The following RAP1GAP variants were observed in gnomAD, a reference collection of about 807,000 sequenced individuals.
RAP1GAP encodes the protein RAP1 GTPase activating protein, also known as rap1 GTPase-activating protein 1.
RAP1GAP carries 35 observed loss-of-function variants against 87.2 expected under a neutral mutation model. That is an observed-to-expected ratio of 0.40 (90% CI 0.31 to 0.53). The LOEUF (loss-of-function observed/expected upper bound fraction) is 0.53, where lower values mean the gene tolerates loss of function less well. Among genes scored for constraint, RAP1GAP ranks in the 20% least tolerant of loss-of-function variants. The pLI is 0.48. For missense variants in RAP1GAP, 734 were observed against 898.9 expected (o/e 0.82, Z 2.35); for synonymous variants, 375 against 363.9 (o/e 1.03, Z -0.35).
Position 21,605,665 on chromosome 1 carries a change from C to T in RAP1GAP, c.1428+401G>A, listed in dbSNP as rs189350583. Among the ~76,000 whole-genome samples the T allele has an allele frequency of 5.9e-5, 9 of 152,296 alleles. No individual in the cohort carries two copies. The East Asian group carries it at 1.3e-3, about 23-fold the overall frequency. On this transcript the variant is annotated intron_variant, in intron 18 of 24. Coordinates refer to ENST00000374765, the MANE Select transcript of RAP1GAP (RefSeq NM_002885.4). ...CAGTGGGTGCCCACAGCCCGACACA[C>T]AGTAGGTGCTCCCAGAAACCCAAGG...
intron 1 of RAP1GAP, chr1:21,651,622 C>T (rs749274915): frequency 2.6e-6 from 2 of 758,804 alleles, no homozygotes; most frequent in South Asian, 2.7e-5. Flanking sequence ...CACAGCACGA[C>T]AGCCATGCGC....
Position 21,603,983 on chromosome 1 carries a change from G to A in RAP1GAP, c.1429-1070C>T, listed in dbSNP as rs998182598. 2.5e-6 allele frequency: 3 copies of A among 1,210,912 alleles called. No individual in the cohort carries two copies. The African/African-American group carries it at 4.6e-5, about 19-fold the overall frequency. The allele number at this position is 1,210,912 out of a possible 1,614,324, so 75.0% of individuals were successfully genotyped here. ...AGAGTCAGAGAGCAAGAGAGATGGT[G>A]GGAGGGAGACACAGAGAGGAGGAGA... On this transcript the variant is annotated intron_variant, in intron 18 of 24. Transcript: ENST00000374765. This position sits in a 1 kb window ranked among gnomAD's most constrained non-coding sequence, Gnocchi z 6.0.
chr1:21,601,814 G>A lies in RAP1GAP; in HGVS notation c.1539-17C>T, dbSNP rs765073114. The A allele has an allele frequency of 7.1e-6, 11 of 1,551,998 alleles. No homozygotes were observed. Among genetic ancestry groups the A allele is most frequent in the Non-Finnish European group, 9.7e-6 (11 of 1,139,890 alleles). ...GGGCTCTCCCTGCGGGGCACACGGGGGCAGCGGGGGGATTCAGCACCAGGC... is the reference window on the plus strand; with the variant it reads ...GGGCTCTCCCTGCGGGGCACACGGGAGCAGCGGGGGGATTCAGCACCAGGC... On this transcript the variant is annotated splice_polypyrimidine_tract_variant and intron_variant, in intron 19 of 24. Transcript: ENST00000374765.
Position 21,613,491 on chromosome 1 carries a change from G to A in RAP1GAP, c.474+137C>T. The stretch of plus-strand genomic sequence containing the variant: ...AGCCCAAGACACGATGGGAACAAGT[G>A]AGAGACAGCCTCAGGATAGGGCGGC... On this transcript the variant is annotated intron_variant, in intron 9 of 24. Coordinates refer to ENST00000374765, the MANE Select transcript of RAP1GAP (RefSeq NM_002885.4). This position sits in a 1 kb window ranked among gnomAD's most constrained non-coding sequence, Gnocchi z 4.7. The A allele has an allele frequency of 1.2e-6, 1 of 865,418 alleles. No individual in the cohort carries two copies. Among genetic ancestry groups the A allele is most frequent in the South Asian group, 1.5e-5 (1 of 68,548 alleles). 53.6% of individuals were successfully genotyped at this position (865,418 alleles called of 1,614,324 possible).
chr1:21,631,556 C>T (rs748572088), intron 2 of RAP1GAP, among the ~76,000 whole-genome samples: 5 of 152,100 alleles, frequency 3.3e-5, no homozygotes, highest in South Asian at 2.1e-4. Context: ...AGTAGTGCCA[C>T]GCGCCTGTAA....
chr1:21,607,932 C>A (rs561456005), intron 17 of RAP1GAP, among the ~76,000 whole-genome samples: 1 of 151,424 alleles, frequency 6.6e-6, no homozygotes, highest in African/African-American at 2.4e-5. Context: ...AGACTCTACC[C>A]GCAGGCGAGC....
intron 2 of RAP1GAP, among the ~76,000 whole-genome samples, chr1:21,638,634 A>C (rs923028846): frequency 2.6e-5 from 4 of 152,210 alleles, no homozygotes; most frequent in Admixed American, 1.3e-4. Flanking sequence ...CTTATCTCTG[A>C]GAAGCAGGAC....
chr1:21,601,813 G>C lies in RAP1GAP; in HGVS notation c.1539-16C>G. ...AGGGCTCTCCCTGCGGGGCACACGG[G>C]GGCAGCGGGGGGATTCAGCACCAGG... On this transcript the variant is annotated splice_polypyrimidine_tract_variant and intron_variant, in intron 19 of 24. Coordinates refer to ENST00000374765, the MANE Select transcript of RAP1GAP (RefSeq NM_002885.4). 6.4e-7 allele frequency: 1 copy of C among 1,553,898 alleles called. No individual in the cohort carries two copies. Among genetic ancestry groups the C allele is most frequent in the East Asian group, 2.3e-5 (1 of 44,278 alleles).
At chr1:21,663,501 G>C (rs1412431318) in intron 1 of RAP1GAP, among the ~76,000 whole-genome samples, 1 of 152,182 alleles carries the variant, frequency 6.6e-6, no homozygotes, top group East Asian at 1.9e-4. Context: ...TGAGCAAGAA[G>C]AATCAGGGCT....
chr1:21,638,539 G>A (rs2095170981), intron 2 of RAP1GAP, among the ~76,000 whole-genome samples: 1 of 151,872 alleles, frequency 6.6e-6, no homozygotes, highest in Admixed American at 6.6e-5. Flanking sequence ...AATTTTGAGT[G>A]GGATGAAGCC....
At chr1:21,611,840 T>C (rs2078513606) in intron 11 of RAP1GAP, 24 bp from the exon 12 acceptor site, 1 of 1,584,904 alleles carries the variant, frequency 6.3e-7, no homozygotes, top group African/African-American at 1.3e-5. Context: ...GCCAAGGTCA[T>C]TGAGCTGGAG....
At position 21,601,787 on chromosome 1, in the gene RAP1GAP, G is replaced by A; in HGVS notation, c.1549C>T (p.Pro517Ser). 6.2e-7 allele frequency: 1 copy of A among 1,607,256 alleles called. No individual in the cohort carries two copies. The highest frequency in any genetic ancestry group is 8.5e-7 in the Non-Finnish European group (1 of 1,176,996). ...QEVQEKRESP[P>S]AGQKTPDSGH... ...CTGTCTGGGGTCTTCTGACCAGCCG[G>A]AGGGCTCTCCCTGCGGGGCACACGG... is the stretch of plus-strand genomic sequence containing the variant. Residue 517 changes from proline to serine, a missense_variant, in exon 20 of 25, where the codon CCG becomes TCG. Coordinates refer to ENST00000374765, the MANE Select transcript of RAP1GAP (RefSeq NM_002885.4).
At chr1:21,599,424 G>A in intron 21 of RAP1GAP, 70 bp downstream of exon 21, 1 of 1,547,376 alleles carries the variant, frequency 6.5e-7, no homozygotes, top group Non-Finnish European at 8.7e-7. Context: ...TTCTACTCAG[G>A]GCATCTCCAG....
chr1:21,597,861 G>A, intron 23 of RAP1GAP, 100 bp downstream of exon 23: 4 of 1,503,380 alleles, frequency 2.7e-6, no homozygotes, highest in Non-Finnish European at 3.6e-6. Flanking sequence ...GCGGGGCCTA[G>A]GGGGACCTCT....
At position 21,602,917 on chromosome 1, in the gene RAP1GAP, T is replaced by C. The variant is rs1270535522; in HGVS notation, c.1429-4A>G. The stretch of plus-strand genomic sequence containing the variant: ...TCTTCCCAGGGACAATCAGTGACTG[T>C]GGGGAGAGGCCCCAACTCAGTGCCA... On this transcript the variant is annotated splice_region_variant and splice_polypyrimidine_tract_variant and intron_variant, in intron 18 of 24. Transcript: ENST00000374765. The C allele has an allele frequency of 1.9e-6, 3 of 1,603,876 alleles. No homozygotes were observed. Among genetic ancestry groups the C allele is most frequent in the Non-Finnish European group, 2.6e-6 (3 of 1,174,728 alleles).
chr1:21,653,594 C>CCTTCCTTCCTTCTTTCCTTCCTTCCTT (rs1558897559), intron 1 of RAP1GAP, among the ~76,000 whole-genome samples: 41 of 81,166 alleles, frequency 5.1e-4, no homozygotes, highest in Non-Finnish European at 6.7e-4. Flanking sequence ...CTTCCTTCCT[C>CCTTCCTTCCTTCTTTCCTTCCTTCCTT]CCTCCCTCCC....
intron 2 of RAP1GAP, among the ~76,000 whole-genome samples, chr1:21,631,929 G>A (rs571948547): frequency 6.6e-6 from 1 of 152,210 alleles, no homozygotes; most frequent in Admixed American, 6.5e-5. Context: ...TCCCATCACG[G>A]CCCTGGCTCC....
rs2097373792 is a variant in RAP1GAP at position 21,666,954 on chromosome 1, C to G, written c.-149+2300G>C. 3.9e-5 allele frequency among the ~76,000 whole-genome samples: 6 copies of G among 152,312 alleles called. No homozygotes were observed. The South Asian group carries it at 1.2e-3, about 32-fold the overall frequency. On this transcript the variant is annotated intron_variant, in intron 1 of 24. Transcript: ENST00000374765. ...GTGCCAGCATCTGGATGGTGTGACT[C>G]TCAGTGCTTGTGTGTCAGGCAGAGT...
At chr1:21,666,570 G>A (rs1184124556) in intron 1 of RAP1GAP, among the ~76,000 whole-genome samples, 1 of 152,190 alleles carries the variant, frequency 6.6e-6, no homozygotes, top group Non-Finnish European at 1.5e-5. Context: ...CAGGATTCTT[G>A]GGGCCAGTCA....
Sources: gnomAD v4.1 joint callset for allele counts (sites outside exome capture counted in the v4.1 genomes callset) on GRCh38, gnomAD v4.1.1 for gene constraint, Gnocchi (gnomAD v3.1) non-coding constraint, MANE v1.5 for transcripts, NCBI Gene and HGNC (gene_info 2026-07-23, HGNC 2026-07-21) for gene names.